SLC36A1: variants seen among roughly 807,000 people sequenced by gnomAD.
SLC36A1 encodes the protein solute carrier family 36 member 1.
In SLC36A1, 30 loss-of-function variants were observed where a neutral mutation model predicts 47.5. The observed-to-expected ratio is 0.63, with a 90% CI of 0.47 to 0.86. The LOEUF (loss-of-function observed/expected upper bound fraction) is 0.86. Among genes scored for constraint, SLC36A1 ranks in the 40% least tolerant of loss-of-function variants. The pLI is 0.00. For missense variants in SLC36A1, 517 were observed against 606.0 expected (o/e 0.85, Z 1.54); for synonymous variants, 255 against 249.7 (o/e 1.02, Z -0.20).
chr5:151,479,781 C>T (rs768083792), intron 10 of SLC36A1: 3 of 522,954 alleles, frequency 5.7e-6, no homozygotes, highest in Non-Finnish European at 1.0e-5. Context: ...ATTACTATCC[C>T]ATATTAAATA....
the SLC36A1 span, among the ~76,000 whole-genome samples, chr5:151,421,266 A>G: frequency 8.8e-6 from 1 of 113,132 alleles, no homozygotes; most frequent in Admixed American, 9.4e-5. Context: ...TTTTTTTTCA[A>G]GGTCTGGCTC....
chr5:151,548,561 A>G, the SLC36A1 span, among the ~76,000 whole-genome samples: 51 of 152,170 alleles, frequency 3.4e-4, no homozygotes, highest in Admixed American at 5.9e-4. Context: ...GCTCACTGCA[A>G]CCTCTGCCTC....
rs1279690971 is a variant in SLC36A1, at chr5:151,473,766, G to A, written c.817G>A (p.Gly273Arg). The A allele has an allele frequency of 1.9e-6, 3 of 1,612,302 alleles. No individual in the cohort carries two copies. The highest frequency in any genetic ancestry group is 8.5e-7 in the Non-Finnish European group (1 of 1,178,418). The change falls in exon 8 of 11, where the codon GGA becomes AGA. Residue 273 changes from glycine to arginine, a missense_variant. Transcript: ENST00000243389. ...GTAIFSFEGI[G>R]MVLPLENKMK... ...AGCGATTTTTTCATTTGAAGGCATT[G>A]GAATGGTAAGAGCTGCACTGTGATT...
At chr5:151,447,896 C>T (rs1753060720) in intron 1 of SLC36A1, 83 bp downstream of exon 1, 1 of 152,344 alleles carries the variant, frequency 6.6e-6, no homozygotes, top group Non-Finnish European at 1.5e-5. Flanking sequence ...CGCTGACACC[C>T]CTCTGTGAAT....
the SLC36A1 span, among the ~76,000 whole-genome samples, chr5:151,385,842 C>A: frequency 6.6e-6 from 1 of 151,112 alleles, no homozygotes; most frequent in Admixed American, 6.6e-5. Flanking sequence ...TAATATGAAA[C>A]CTTTTAAGAA....
At chr5:151,537,348 GAA>G in the SLC36A1 span, among the ~76,000 whole-genome samples, 35 of 50,564 alleles carry the variant, frequency 6.9e-4, no homozygotes, top group South Asian at 1.5e-3. Context: ...GAAAAGAAAA[GAA>G]AAAAGAAGGA....
intron 1 of SLC36A1, among the ~76,000 whole-genome samples, chr5:151,439,724 C>A (rs1405343839): frequency 6.6e-6 from 1 of 151,764 alleles, no homozygotes; most frequent in African/African-American, 2.4e-5. Flanking sequence ...GAGGCACATT[C>A]CAGTTGTATT....
the SLC36A1 span, among the ~76,000 whole-genome samples, chr5:151,351,621 T>G: frequency 6.6e-6 from 1 of 152,292 alleles, no homozygotes; most frequent in South Asian, 2.1e-4. Context: ...ATCCGTTTCT[T>G]TTTTCAGCAA....
the SLC36A1 span, among the ~76,000 whole-genome samples, chr5:151,394,291 G>A: frequency 6.6e-6 from 1 of 152,144 alleles, no homozygotes; most frequent in Non-Finnish European, 1.5e-5. Context: ...GGTTATTCTA[G>A]TTAGCCATTT....
chr5:151,500,717 G>T, the SLC36A1 span, among the ~76,000 whole-genome samples: 2 of 152,184 alleles, frequency 1.3e-5, no homozygotes, highest in Non-Finnish European at 2.9e-5. Flanking sequence ...CTGAGTGCTT[G>T]CACAGCACCT....
chr5:151,467,810 C>T lies in SLC36A1; in HGVS notation c.608C>T (p.Pro203Leu), dbSNP rs1441368786. 1 of 1,613,936 alleles carries T rather than the reference C, an allele frequency of 6.2e-7. No individual in the cohort carries two copies. The highest frequency in any genetic ancestry group is 8.5e-7 in the Non-Finnish European group (1 of 1,180,002). ...DSRLYMLSFL[P>L]FLVLLVFIRN... ...CGACTCTACATGCTCTCCTTCCTGC[C>T]CTTCCTGGTGCTGCTGGTTTTCATC... is the stretch of plus-strand genomic sequence containing the variant. Residue 203 changes from proline (P) to leucine (L), a missense_variant, in exon 7 of 11, where the codon CCC becomes CTC. Pro to Leu is a moderately conservative substitution (Grantham distance 98, BLOSUM62 -3). Coordinates refer to ENST00000243389, the MANE Select transcript of SLC36A1 (RefSeq NM_078483.4).
chr5:151,370,678 C>A, the SLC36A1 span, among the ~76,000 whole-genome samples: 1 of 152,162 alleles, frequency 6.6e-6, no homozygotes, highest in Non-Finnish European at 1.5e-5. Flanking sequence ...TATCAACTTG[C>A]TTGTGACCAC....
At chr5:151,388,506 G>GAA in the SLC36A1 span, among the ~76,000 whole-genome samples, 2 of 104,770 alleles carry the variant, frequency 1.9e-5, no homozygotes, top group East Asian at 2.5e-4. Flanking sequence ...CATCTCAAAA[G>GAA]AAAAAAAAAA....
At chr5:151,542,189 G>A in the SLC36A1 span, 10 of 1,219,946 alleles carry the variant, frequency 8.2e-6, no homozygotes, top group East Asian at 1.9e-4. Flanking sequence ...CTGCTAATAA[G>A]TGGCAAATCC....
the SLC36A1 span, among the ~76,000 whole-genome samples, chr5:151,366,020 G>C: frequency 1.3e-5 from 2 of 152,250 alleles, no homozygotes; most frequent in East Asian, 3.9e-4. Flanking sequence ...GTCATCATAG[G>C]AGAAAACAGT....
At chr5:151,375,579 T>G in the SLC36A1 span, among the ~76,000 whole-genome samples, 1 of 152,172 alleles carries the variant, frequency 6.6e-6, no homozygotes, top group Non-Finnish European at 1.5e-5. Context: ...TTTTAAGGTT[T>G]TTTTTTCTGA....
chr5:151,467,721 C>T lies in SLC36A1; in HGVS notation c.519C>T (p.Ala173=). The stretch of plus-strand genomic sequence containing the variant: ...CCTCATTCTAGGTGATAGAAGCGGC[C>T]AATGGGACCACCAATAACTGCCACA... The part of the protein sequence containing the change: ...ADNFKQVIEA[A]NGTTNNCHNN... Residue 173 remains alanine, a synonymous_variant, in exon 7 of 11, where the codon GCC becomes GCT. Transcript: ENST00000243389. 3.1e-6 allele frequency: 5 copies of T among 1,614,004 alleles called. No homozygotes were observed. The highest frequency in any genetic ancestry group is 4.2e-6 in the Non-Finnish European group (5 of 1,179,962).
At chr5:151,384,993 T>TGG in the SLC36A1 span, among the ~76,000 whole-genome samples, 1 of 135,660 alleles carries the variant, frequency 7.4e-6, no homozygotes, top group Non-Finnish European at 1.5e-5. Flanking sequence ...TGTGGGTGTG[T>TGG]GAGAGAGAGA....
chr5:151,516,279 G>A, the SLC36A1 span, among the ~76,000 whole-genome samples: 1 of 152,224 alleles, frequency 6.6e-6, no homozygotes, highest in Non-Finnish European at 1.5e-5. Context: ...GGAGGCCAAG[G>A]TGGGTGGATC....
Sources: gnomAD v4.1 joint callset for allele counts (sites outside exome capture counted in the v4.1 genomes callset) on GRCh38, gnomAD v4.1.1 for gene constraint, MANE v1.5 for transcripts, NCBI Gene and HGNC (gene_info 2026-07-23, HGNC 2026-07-21) for gene names.